The following HMGXB4 variants were observed in gnomAD, a reference collection of about 807,000 sequenced individuals.
HMGXB4 encodes the protein HMG domain-containing protein 4.
Under a neutral mutation model 63.9 loss-of-function variants are expected in HMGXB4, and 27 were observed. The ratio of observed to expected loss-of-function variants is 0.42; its 90% CI spans 0.31 to 0.58. HMGXB4 has a LOEUF of 0.58. HMGXB4 is among the 20% of genes least tolerant of loss of function. HMGXB4 has a pLI of 0.13. For synonymous variants in HMGXB4, 264 were observed against 265.3 expected, an observed-to-expected ratio of 0.99 and a Z score of 0.05; for missense variants, 624 against 700.7, an observed-to-expected ratio of 0.89 and a Z score of 1.24.
rs1925164949 is a variant in HMGXB4, at chr22:35,294,791, G to GCCCTCCCTTCTTTCCTTCCTTCCTT, written c.*1145_*1169dup. ...TACAGATTTGTCATTTCTCCCTTCC[G>GCCCTCCCTTCTTTCCTTCCTTCCTT]CCCTCCCTTCTTTCCTTCCTTCCTT... is the stretch of plus-strand genomic sequence containing the variant. On this transcript the variant is annotated 3_prime_UTR_variant, in exon 11 of 11. Transcript: ENST00000216106. The GCCCTCCCTTCTTTCCTTCCTTCCTT allele has an allele frequency of 6.6e-6, 1 of 151,718 alleles. No homozygotes were observed. Among genetic ancestry groups the GCCCTCCCTTCTTTCCTTCCTTCCTT allele is most frequent in the Non-Finnish European group, 1.5e-5 (1 of 67,938 alleles). 9.4% of individuals were successfully genotyped at this position (151,718 alleles called of 1,614,324 possible).
At chr22:35,284,381 T>C (rs1924442492) in intron 6 of HMGXB4, among the ~76,000 whole-genome samples, 1 of 152,240 alleles carries the variant, frequency 6.6e-6, no homozygotes, top group South Asian at 2.1e-4. Context: ...AGATATCTTG[T>C]ATTATATTGT....
At chr22:35,281,741 G>A (rs1167141435) in intron 5 of HMGXB4, among the ~76,000 whole-genome samples, 1 of 152,086 alleles carries the variant, frequency 6.6e-6, no homozygotes, top group Non-Finnish European at 1.5e-5. Context: ...CTTTCATCAT[G>A]TATTCTAGCA....
the HMGXB4 span, among the ~76,000 whole-genome samples, chr22:35,244,478 C>G: frequency 1.3e-5 from 2 of 152,050 alleles, no homozygotes; most frequent in Admixed American, 6.6e-5. Context: ...ATTCAAAGAC[C>G]TGTGCTAACA....
chr22:35,293,970 G>C lies in HMGXB4; in HGVS notation c.*319G>C, dbSNP rs1054204310. ...ACTTGGGGGCTGGGGGCTTGTTCTG[G>C]GTGCCAAGCGCATCTCTTTATGGAC... On this transcript the variant is annotated 3_prime_UTR_variant, in exon 11 of 11. Transcript: ENST00000216106. 12 of 183,984 alleles carry C rather than the reference G, an allele frequency of 6.5e-5. No homozygotes were observed. Among genetic ancestry groups the C allele is most frequent in the Non-Finnish European group, 1.2e-4 (11 of 90,014 alleles). The allele number at this position is 183,984 out of a possible 1,614,324, so 11.4% of individuals were successfully genotyped here. A position where few individuals can be genotyped will look rare whatever the true frequency, so the allele number is the denominator to read the frequency against.
At chr22:35,279,419 G>A (rs1045904242) in intron 5 of HMGXB4, among the ~76,000 whole-genome samples, 11 of 152,110 alleles carry the variant, frequency 7.2e-5, no homozygotes, top group South Asian at 4.1e-4. Context: ...GATTACAGGC[G>A]TGAGCCACTG....
chr22:35,287,530 C>T, intron 8 of HMGXB4, 78 bp downstream of exon 8: 3 of 986,028 alleles, frequency 3.0e-6, no homozygotes, highest in Non-Finnish European at 4.8e-6. Context: ...GGGAAAAAAG[C>T]TTGCAGTATT....
rs779850645 is a variant in HMGXB4 at position 35,288,340 on chromosome 22, T to C, written c.1571T>C (p.Val524Ala). Residue 524 changes from valine (V) to alanine (A), a missense_variant, in exon 9 of 11, where the codon GTT becomes GCT. Val to Ala is a moderately conservative substitution (Grantham distance 64). This residue lies in a region of HMGXB4 where 152 missense variants were observed against 230.1 expected (regional missense o/e 0.66). Transcript: ENST00000216106. ...GCCCCTGAGACAGAGCCCATTGATG[T>C]TGCTGCTCATCTTCAGCTGTTGGGA... ...AKAPETEPID[V>A]AAHLQLLGES... 34 of 1,612,882 alleles carry C rather than the reference T, an allele frequency of 2.1e-5. No individual in the cohort carries two copies. The highest frequency in any genetic ancestry group is 2.7e-5 in the Non-Finnish European group (32 of 1,179,330).
intron 1 of HMGXB4, among the ~76,000 whole-genome samples, chr22:35,258,994 T>A (rs1250259324): frequency 1.3e-5 from 2 of 152,224 alleles, no homozygotes; most frequent in African/African-American, 4.8e-5. Context: ...TGAAACCTGT[T>A]TTTTAACTGT....
intron 5 of HMGXB4, among the ~76,000 whole-genome samples, chr22:35,271,581 C>T (rs1923607022): frequency 6.6e-6 from 1 of 152,170 alleles, no homozygotes. Context: ...TACAGAACAA[C>T]TCCATCTCTA....
chr22:35,289,142 AAAAG>A (rs71939802), intron 9 of HMGXB4, among the ~76,000 whole-genome samples: 75,806 of 149,620 alleles, frequency 0.51, 22,159 homozygotes, highest in Non-Finnish European at 0.65. Flanking sequence ...TCCATCACAA[AAAAG>A]AAAGAAAGAA....
At chr22:35,251,901 T>C in the HMGXB4 span, among the ~76,000 whole-genome samples, 1 of 152,094 alleles carries the variant, frequency 6.6e-6, no homozygotes, top group Non-Finnish European at 1.5e-5. Flanking sequence ...GTTTTGGTGG[T>C]TAAAAAAACA....
chr22:35,292,851 C>A, intron 9 of HMGXB4, 141 bp from the exon 10 acceptor site: 1 of 943,594 alleles, frequency 1.1e-6, no homozygotes, highest in Non-Finnish European at 1.6e-6. Context: ...ACAGAGTTAT[C>A]AAAGTAAACT....
the HMGXB4 span, among the ~76,000 whole-genome samples, chr22:35,245,930 C>A: frequency 6.6e-6 from 1 of 152,122 alleles, no homozygotes; most frequent in South Asian, 2.1e-4. Flanking sequence ...CTCATTACTT[C>A]CAGGCAGTGG....
chr22:35,246,654 T>C, the HMGXB4 span, among the ~76,000 whole-genome samples: 12 of 152,230 alleles, frequency 7.9e-5, no homozygotes, highest in African/African-American at 2.9e-4. Context: ...TGTGCCCCTG[T>C]TGGCTCTTCC....
intron 5 of HMGXB4, among the ~76,000 whole-genome samples, chr22:35,282,704 AC>A (rs1924343404): frequency 2.0e-5 from 3 of 152,296 alleles, no homozygotes; most frequent in South Asian, 4.1e-4. Flanking sequence ...AGTCAGGGCT[AC>A]CTGGGTTGTG....
chr22:35,267,538 T>A (rs1013111949), intron 5 of HMGXB4, among the ~76,000 whole-genome samples: 3 of 152,188 alleles, frequency 2.0e-5, no homozygotes, highest in African/African-American at 7.2e-5. Flanking sequence ...AACTGAACTC[T>A]ACTTGTGCAA....
chr22:35,251,870 T>C, the HMGXB4 span, among the ~76,000 whole-genome samples: 3 of 152,190 alleles, frequency 2.0e-5, no homozygotes, highest in Non-Finnish European at 2.9e-5. Flanking sequence ...GTTTTTGTTT[T>C]TGGTGTTTTG....
At chr22:35,287,889 G>C (rs904680658) in intron 8 of HMGXB4, among the ~76,000 whole-genome samples, 1 of 151,872 alleles carries the variant, frequency 6.6e-6, no homozygotes, top group Non-Finnish European at 1.5e-5. Flanking sequence ...TGGAGGTTGC[G>C]GTGAGCCGAG....
chr22:35,256,498 C>CAT (rs892337124), upstream of HMGXB4, among the ~76,000 whole-genome samples: 62 of 151,572 alleles, frequency 4.1e-4, no homozygotes, highest in East Asian at 2.5e-3. Flanking sequence ...AGTTATTCTT[C>CAT]ATATATATAT....
Sources: allele counts gnomAD v4.1 joint callset (sites outside exome capture counted in the v4.1 genomes callset), GRCh38; gene constraint gnomAD v4.1.1; regional missense constraint gnomAD v4.1.1; transcripts MANE v1.5; gene names NCBI Gene and HGNC (gene_info 2026-07-23, HGNC 2026-07-21).